NALF1: variants seen among roughly 807,000 people sequenced by gnomAD.
NALF1 encodes the protein NALCN channel auxiliary factor 1, also known as family with sequence similarity 155 member A.
In NALF1, 3 loss-of-function variants were observed where a neutral mutation model predicts 48.4. The ratio of observed to expected loss-of-function variants is 0.06; its 90% CI spans 0.03 to 0.16. The LOEUF is 0.16. NALF1 is among the 10% of genes least tolerant of loss of function. The probability of loss-of-function intolerance (pLI) is 1.00; values close to 1 mark genes in which losing one functional copy is unlikely to be tolerated. For synonymous variants in NALF1, 262 were observed against 245.7 expected, an observed-to-expected ratio of 1.07 and a Z score of -0.62; for missense variants, 526 against 571.5, an observed-to-expected ratio of 0.92 and a Z score of 0.81.
chr13:107,865,563 A>G (rs1594322121), intron 1 of NALF1, 119 bp downstream of exon 1: 1 of 1,358,816 alleles, frequency 7.4e-7, no homozygotes, highest in East Asian at 2.3e-5. Context: ...TAATAACCGC[A>G]GAAAACACAA....
chr13:107,393,626 A>ACAATTAAAAGGAAATAGCT (rs1883663086), intron 1 of NALF1, among the ~76,000 whole-genome samples: 1 of 152,162 alleles, frequency 6.6e-6, no homozygotes, highest in Admixed American at 6.6e-5. Context: ...AAAGACGGAG[A>ACAATTAAAAGGAAATAGCT]CAATTAAAAG....
chr13:107,521,656 A>T (rs1876242860), intron 1 of NALF1, among the ~76,000 whole-genome samples: 1 of 152,124 alleles, frequency 6.6e-6, no homozygotes, highest in Non-Finnish European at 1.5e-5. Flanking sequence ...GGGTATATAC[A>T]GGTATATCGT....
chr13:107,857,195 A>T (rs1566508294), intron 1 of NALF1, among the ~76,000 whole-genome samples: 1 of 152,170 alleles, frequency 6.6e-6, no homozygotes, highest in Admixed American at 6.5e-5. Context: ...CTTGTCTGGT[A>T]GCTCTAGCTC....
intron 1 of NALF1, among the ~76,000 whole-genome samples, chr13:107,276,274 C>A (rs937731113): frequency 2.6e-5 from 4 of 152,156 alleles, no homozygotes; most frequent in African/African-American, 9.7e-5. Context: ...ATTACATTTT[C>A]TGATGTCCAG....
At position 107,659,530 on chromosome 13, in the gene NALF1, T is replaced by C. The variant is rs118110048; in HGVS notation, c.915+206152A>G. Among the ~76,000 whole-genome samples the C allele has an allele frequency of 5.0e-3, 753 of 151,930 alleles. 4 individuals carry two copies. The highest frequency in any genetic ancestry group is 6.7e-3 in the Non-Finnish European group (455 of 67,966). On this transcript the variant is annotated intron_variant, in intron 1 of 2. Coordinates refer to ENST00000375915, the MANE Select transcript of NALF1 (RefSeq NM_001080396.3). Reference sequence around the variant, plus strand: ...TTGGCATCTTTTTTTTTTTGAAACATACAGTAGTCTAACTTGTATTATAGT... The same window carrying C: ...TTGGCATCTTTTTTTTTTTGAAACACACAGTAGTCTAACTTGTATTATAGT...
chr13:107,866,726 T>G lies in NALF1; in HGVS notation c.-130A>C. On this transcript the variant is annotated 5_prime_UTR_variant, in exon 1 of 3. Coordinates refer to ENST00000375915, the MANE Select transcript of NALF1 (RefSeq NM_001080396.3). This position sits in a 1 kb window ranked among gnomAD's most constrained non-coding sequence, Gnocchi z 4.4. ...TCCCGTTTCTTCTCTCTCCTCTCTC[T>G]CTTTCTCTCTCTTCCCCTCTCCCTC... The G allele has an allele frequency of 1.5e-6, 1 of 666,292 alleles. No individual in the cohort carries two copies. The highest frequency in any genetic ancestry group is 1.9e-5 in the South Asian group (1 of 53,184). The allele number at this position is 666,292 out of a possible 1,614,324, so 41.3% of individuals were successfully genotyped here.
intron 1 of NALF1, among the ~76,000 whole-genome samples, chr13:107,495,809 G>C (rs545506299): frequency 6.6e-6 from 1 of 152,008 alleles, no homozygotes; most frequent in South Asian, 2.1e-4. Flanking sequence ...AGACAAGAAG[G>C]GTGTCCCTCA....
intron 1 of NALF1, among the ~76,000 whole-genome samples, chr13:107,665,151 C>T (rs1244349736): frequency 6.6e-6 from 1 of 152,036 alleles, no homozygotes; most frequent in Non-Finnish European, 1.5e-5. Context: ...TGTCTGTACT[C>T]AAGATTAATT....
intron 1 of NALF1, among the ~76,000 whole-genome samples, chr13:107,233,337 A>T (rs1379437145): frequency 1.3e-5 from 2 of 152,226 alleles, no homozygotes; most frequent in Non-Finnish European, 2.9e-5. Flanking sequence ...CAGTTTTCTC[A>T]GTCATCGATC....
intron 2 of NALF1, among the ~76,000 whole-genome samples, chr13:107,186,832 A>T (rs1364339965): frequency 6.6e-6 from 1 of 152,178 alleles, no homozygotes; most frequent in African/African-American, 2.4e-5. Context: ...GGATGATTTA[A>T]CTGGTTTATC....
At chr13:107,195,949 A>C (rs1314436631) in intron 2 of NALF1, among the ~76,000 whole-genome samples, 1 of 152,230 alleles carries the variant, frequency 6.6e-6, no homozygotes, top group Admixed American at 6.5e-5. Context: ...GTACATATAC[A>C]CTATGGAATA....
chr13:107,598,883 T>C (rs557945732), intron 1 of NALF1, among the ~76,000 whole-genome samples: 24 of 152,280 alleles, frequency 1.6e-4, no homozygotes, highest in African/African-American at 4.6e-4. Flanking sequence ...CTGACATAAT[T>C]TTCTTCCAAG....
chr13:107,186,936 T>C (rs954511801), intron 2 of NALF1, among the ~76,000 whole-genome samples: 9 of 152,218 alleles, frequency 5.9e-5, no homozygotes, highest in African/African-American at 1.9e-4. Flanking sequence ...ATGTGGTTGC[T>C]ATACTGATGT....
chr13:107,333,572 T>TG (rs935632027), intron 1 of NALF1, among the ~76,000 whole-genome samples: 2 of 152,116 alleles, frequency 1.3e-5, no homozygotes, highest in Non-Finnish European at 2.9e-5. Context: ...AGTATTGATG[T>TG]GGGGGGCAGG....
rs564604128 is a variant in NALF1, at chr13:107,357,248, A to T, written c.916-146493T>A. 3.4e-4 allele frequency among the ~76,000 whole-genome samples: 52 copies of T among 152,262 alleles called. No homozygotes were observed. The East Asian group carries it at 9.8e-3, about 29-fold the overall frequency. ...GAAGGCAAACGGGAAGCAAGCACAG[A>T]CCTTCTCATATGGCAGCAGGAGAGA... On this transcript the variant is annotated intron_variant, in intron 1 of 2. Transcript: ENST00000375915.
intron 1 of NALF1, among the ~76,000 whole-genome samples, chr13:107,636,023 T>C (rs896397282): frequency 1.3e-5 from 2 of 152,098 alleles, no homozygotes; most frequent in African/African-American, 4.8e-5. Flanking sequence ...GGAAAATAAA[T>C]AGGGGAAGCT....
intron 1 of NALF1, among the ~76,000 whole-genome samples, chr13:107,449,644 G>C (rs1051002825): frequency 6.6e-6 from 1 of 151,214 alleles, no homozygotes; most frequent in African/African-American, 2.4e-5. Flanking sequence ...TGGAGGTTAA[G>C]ACATCAATCT....
intron 1 of NALF1, among the ~76,000 whole-genome samples, chr13:107,749,128 TTGTGTGTGTG>T (rs58213843): frequency 5.3e-4 from 78 of 147,446 alleles, no homozygotes; most frequent in African/African-American, 1.5e-3. Context: ...ATGTCTATAA[TTGTGTGTGTG>T]TGTGTGTGTG....
intron 1 of NALF1, among the ~76,000 whole-genome samples, chr13:107,759,368 T>A (rs144184810): frequency 1.1e-3 from 170 of 152,074 alleles, no homozygotes; most frequent in African/African-American, 3.8e-3. Flanking sequence ...GCCACCACCC[T>A]TGGATAATTT....
Sources: gnomAD v4.1 joint callset for allele counts (sites outside exome capture counted in the v4.1 genomes callset) on GRCh38, gnomAD v4.1.1 for gene constraint, Gnocchi (gnomAD v3.1) non-coding constraint, MANE v1.5 for transcripts, NCBI Gene and HGNC (gene_info 2026-07-23, HGNC 2026-07-21) for gene names.